Variants in PTPRZ1 observed in about 807,000 individuals in gnomAD.
PTPRZ1 encodes the protein receptor-type tyrosine-protein phosphatase zeta.
A neutral mutation model predicts 214.1 loss-of-function variants in PTPRZ1; 82 were observed. The ratio of observed to expected loss-of-function variants is 0.38; its 90% CI spans 0.32 to 0.46. The LOEUF is 0.46. PTPRZ1 is among the 20% of genes least tolerant of loss of function. The pLI is 1.00. For synonymous variants in PTPRZ1, 945 were observed against 987.9 expected (o/e 0.96, Z 0.81); for missense variants, 2,603 against 2,748.7 (o/e 0.95, Z 1.19).
rs570194366 is a variant in PTPRZ1 at position 121,888,996 on chromosome 7, A to G, written c.58+15439A>G. Among the ~76,000 whole-genome samples the G allele has an allele frequency of 5.3e-5, 8 of 152,298 alleles. No individual in the cohort carries two copies. In the East Asian group the frequency reaches 1.3e-3, roughly 26 times the overall value. On this transcript the variant is annotated intron_variant, in intron 1 of 29. Coordinates refer to ENST00000393386, the MANE Select transcript of PTPRZ1 (RefSeq NM_002851.3). The stretch of plus-strand genomic sequence containing the variant: ...TGGATAAATCAGGTTTTAAAACACA[A>G]TTATATAGGGAATGAATTAAATTAT...
At position 122,057,236 on chromosome 7, in the gene PTPRZ1, C is replaced by T. The variant is rs187393792; in HGVS notation, c.6529-1564C>T. On this transcript the variant is annotated intron_variant, in intron 27 of 29. Transcript: ENST00000393386. ...TCCAAAGTCATCCTACAAAGGTATC[C>T]TCTCATCAGGAATGTATGAGTGCAC... Among the ~76,000 whole-genome samples, 3 of 151,962 alleles carry T rather than the reference C, an allele frequency of 2.0e-5. No homozygotes were observed. In the East Asian group the frequency reaches 5.8e-4, roughly 29 times the overall value.
chr7:121,896,482 G>A (rs1584613223), intron 1 of PTPRZ1, among the ~76,000 whole-genome samples: 1 of 152,092 alleles, frequency 6.6e-6, no homozygotes, highest in African/African-American at 2.4e-5. Flanking sequence ...AGAAAATTTG[G>A]TATATGTATC....
In PTPRZ1 at chr7:122,058,928, G is replaced by A. The variant is rs1792470849; in HGVS notation, c.6657G>A (p.Met2219Ile). Residue 2219 changes from methionine (M) to isoleucine (I), a missense_variant, in exon 28 of 30, where the codon ATG becomes ATA. Physicochemically the swap from Met to Ile is conservative, Grantham distance 10. Coordinates refer to ENST00000393386, the MANE Select transcript of PTPRZ1 (RefSeq NM_002851.3). The part of the protein sequence containing the change: ...KEEAANRDGP[M>I]IVHDEHGGVT... ...AAGCTGCCAATAGGGATGGGCCTAT[G>A]ATTGTTCATGATGAGTAAGTTCCAT... is the stretch of plus-strand genomic sequence containing the variant. 24 of 1,587,296 alleles carry A rather than the reference G, an allele frequency of 1.5e-5. No individual in the cohort carries two copies. The highest frequency in any genetic ancestry group is 2.1e-5 in the Non-Finnish European group (24 of 1,156,720).
At chr7:122,025,879 T>A (rs910772189) in intron 13 of PTPRZ1, among the ~76,000 whole-genome samples, 2 of 152,232 alleles carry the variant, frequency 1.3e-5, no homozygotes, top group Non-Finnish European at 2.9e-5. Context: ...GGCAGGTTTA[T>A]TTATCTACAA....
rs1797086768 is a variant in PTPRZ1, at chr7:121,967,746, G to C, written c.125-205G>C. Among the ~76,000 whole-genome samples the C allele has an allele frequency of 2.0e-5, 3 of 152,078 alleles. No homozygotes were observed. The South Asian group carries it at 6.2e-4, about 31-fold the overall frequency. ...TAGACTTGTTTTTTTATAGTGGCAT[G>C]GTTGTTCTACAGACCTTTTGTAGTG... On this transcript the variant is annotated intron_variant, in intron 2 of 29. Coordinates refer to ENST00000393386, the MANE Select transcript of PTPRZ1 (RefSeq NM_002851.3).
chr7:121,987,052 T>C (rs1421092388), intron 8 of PTPRZ1, among the ~76,000 whole-genome samples: 1 of 152,250 alleles, frequency 6.6e-6, no homozygotes, highest in Non-Finnish European at 1.5e-5. Flanking sequence ...TATCCGCTTA[T>C]ATTGTATATC....
In PTPRZ1 at chr7:122,010,862, G is replaced by A. The variant is rs1056778092; in HGVS notation, c.1816G>A (p.Gly606Arg). The A allele has an allele frequency of 6.2e-7, 1 of 1,613,990 alleles. No homozygotes were observed. The highest frequency in any genetic ancestry group is 1.7e-4 in the Middle Eastern group (1 of 6,060). The change falls in exon 12 of 30, where the codon GGG becomes AGG. Residue 606 changes from glycine to arginine, a missense_variant. Gly to Arg is a moderately radical substitution (Grantham distance 125, BLOSUM62 -2). Transcript: ENST00000393386. ...IPFISENISQ[G>R]YIFSSENPET... is the part of the protein sequence containing the mutation. ...ATTCATCTCTGAGAACATATCCCAA[G>A]GGTATATATTTTCCTCCGAAAACCC...
intron 2 of PTPRZ1, 67 bp downstream of exon 2, chr7:121,928,288 A>G (rs538060993): frequency 1.6e-6 from 2 of 1,240,442 alleles, no homozygotes; most frequent in East Asian, 2.4e-5. Context: ...ATTTTTATAT[A>G]TAAAAGGAAG....
chr7:121,914,563 T>A lies in PTPRZ1; in HGVS notation c.59-13593T>A, dbSNP rs78930510. 5.8e-3 allele frequency among the ~76,000 whole-genome samples: 882 copies of A among 152,288 alleles called. 4 individuals are homozygous for A. The highest frequency in any genetic ancestry group is 1.0e-2 in the Non-Finnish European group (679 of 68,022). ...TTAAGCCATGAAAAGGATCAATTGT[T>A]TTTGTGAAAAATCCTTGGGACGTGC... is the stretch of plus-strand genomic sequence containing the variant. On this transcript the variant is annotated intron_variant, in intron 1 of 29. Coordinates refer to ENST00000393386, the MANE Select transcript of PTPRZ1 (RefSeq NM_002851.3).
Position 122,013,261 on chromosome 7 carries a change from T to C in PTPRZ1, c.4215T>C (p.Ser1405=). ...AGGCAACTTCTGAGCTGAGTCATAG[T>C]GCCAAATCTGATGCCGGTTTAGTGG... ...PSKATSELSH[S]AKSDAGLVGG... Residue 1405 remains serine, a synonymous_variant, in exon 12 of 30, where the codon AGT becomes AGC. Coordinates refer to ENST00000393386, the MANE Select transcript of PTPRZ1 (RefSeq NM_002851.3). 6.2e-7 allele frequency: 1 copy of C among 1,614,172 alleles called. No individual in the cohort carries two copies. The highest frequency in any genetic ancestry group is 8.5e-7 in the Non-Finnish European group (1 of 1,180,032).
chr7:121,990,736 T>A (rs533157117), intron 8 of PTPRZ1, among the ~76,000 whole-genome samples: 1 of 152,148 alleles, frequency 6.6e-6, no homozygotes, highest in Non-Finnish European at 1.5e-5. Context: ...GCCAGACTGG[T>A]CTCGAACTCC....
At chr7:121,947,070 T>G (rs1796402873) in intron 2 of PTPRZ1, among the ~76,000 whole-genome samples, 1 of 152,168 alleles carries the variant, frequency 6.6e-6, no homozygotes, top group Non-Finnish European at 1.5e-5. Context: ...TCCATGGTAC[T>G]AATGTTATCA....
At chr7:121,928,120 T>C (rs772928440) in intron 1 of PTPRZ1, 36 bp from the exon 2 acceptor site, 2 of 1,466,344 alleles carry the variant, frequency 1.4e-6, no homozygotes, top group Non-Finnish European at 1.9e-6. Context: ...CATATATTTT[T>C]CTACATACTG....
At chr7:121,962,426 C>T (rs996222973) in intron 2 of PTPRZ1, among the ~76,000 whole-genome samples, 3 of 148,916 alleles carry the variant, frequency 2.0e-5, no homozygotes, top group African/African-American at 7.5e-5. Context: ...CCAGCCTGGG[C>T]AATAGAGAGA....
chr7:121,929,687 A>G (rs1433866100), intron 2 of PTPRZ1, among the ~76,000 whole-genome samples: 1 of 151,792 alleles, frequency 6.6e-6, no homozygotes, highest in African/African-American at 2.4e-5. Context: ...GCATGCTTCT[A>G]ATCCCAGCTA....
chr7:121,877,820 C>A (rs984672743), intron 1 of PTPRZ1, among the ~76,000 whole-genome samples: 1 of 152,072 alleles, frequency 6.6e-6, no homozygotes, highest in Non-Finnish European at 1.5e-5. Context: ...TATGTTAACT[C>A]TCAAATACTT....
chr7:121,925,186 A>C (rs1162952662), intron 1 of PTPRZ1, among the ~76,000 whole-genome samples: 1 of 152,212 alleles, frequency 6.6e-6, no homozygotes, highest in Non-Finnish European at 1.5e-5. Flanking sequence ...CTAAAATAAG[A>C]ATTACTTTTT....
chr7:121,926,114 C>G (rs1017642792), intron 1 of PTPRZ1, among the ~76,000 whole-genome samples: 1 of 152,080 alleles, frequency 6.6e-6, no homozygotes, highest in African/African-American at 2.4e-5. Flanking sequence ...ACCAGCCTGA[C>G]CAACATAGTG....
chr7:121,881,694 T>G (rs1460445110), intron 1 of PTPRZ1, among the ~76,000 whole-genome samples: 1 of 152,188 alleles, frequency 6.6e-6, no homozygotes, highest in Non-Finnish European at 1.5e-5. Flanking sequence ...AGGAGTATGC[T>G]CTATGGTGAT....
Sources: gnomAD v4.1 joint callset for allele counts (sites outside exome capture counted in the v4.1 genomes callset) on GRCh38, gnomAD v4.1.1 for gene constraint, MANE v1.5 for transcripts, NCBI Gene and HGNC (gene_info 2026-07-23, HGNC 2026-07-21) for gene names.